The following CAPN15 variants were observed in gnomAD, a reference collection of about 807,000 sequenced individuals.
CAPN15 encodes calpain 15.
Under a neutral mutation model 97.9 loss-of-function variants are expected in CAPN15, and 53 were observed. The observed-to-expected ratio is 0.54, with a 90% CI of 0.43 to 0.68. CAPN15 has a LOEUF of 0.68. Among genes scored for constraint, CAPN15 ranks in the 30% least tolerant of loss-of-function variants. The probability of loss-of-function intolerance (pLI) is 0.00; values close to 1 mark genes in which losing one functional copy is unlikely to be tolerated. For missense variants in CAPN15, 1,592 were observed against 1,589.8 expected (o/e 1.00, Z -0.02); for synonymous variants, 922 against 722.5 (o/e 1.28, Z -4.43).
intron 4 of CAPN15, 137 bp downstream of exon 4, chr16:548,424 G>A (rs1364108414): frequency 1.7e-5 from 15 of 881,040 alleles, no homozygotes; most frequent in Admixed American, 3.6e-5. Flanking sequence ...AGCACCCTCC[G>A]CCCCGAGGCT....
chr16:534,755 C>T (rs1358683178), intron 2 of CAPN15, among the ~76,000 whole-genome samples: 2 of 152,168 alleles, frequency 1.3e-5, no homozygotes, highest in African/African-American at 4.8e-5. Context: ...AAGGCCAGGC[C>T]ACCAGCTGCC....
At position 547,013 on chromosome 16, in the gene CAPN15, C is replaced by T. The variant is rs555346135; in HGVS notation, c.175C>T (p.Leu59=). ...CGCCCGCTGCACCTTCCGCAACTTCCTGGGCAAGGAGGCCTGCGAGGTGTG... is the reference window on the plus strand; with the variant it reads ...CGCCCGCTGCACCTTCCGCAACTTCTTGGGCAAGGAGGCCTGCGAGGTGTG... ...PCARCTFRNF[L]GKEACEVCGF... is the part of the protein sequence containing the mutation. The change falls in exon 4 of 14, where the codon CTG becomes TTG. Residue 59 remains leucine (L), a synonymous_variant. Coordinates refer to ENST00000219611, the MANE Select transcript of CAPN15 (RefSeq NM_005632.3). 4.3e-6 allele frequency: 7 copies of T among 1,610,276 alleles called. No homozygotes were observed. The South Asian group carries it at 5.5e-5, about 13-fold the overall frequency.
rs1214179349 is a variant in CAPN15, at chr16:553,368, A to G, written c.3113A>G (p.Glu1038Gly). ...GTCCTGGTGATCTTGTCCCAGCTAG[A>G]GGGCAACGCCGGCTTCTCTATCACC... ...RQVLVILSQL[E>G]GNAGFSITHR... The change falls in exon 14 of 14, where the codon GAG becomes GGG. Residue 1038 changes from glutamate (E) to glycine (G), a missense_variant. By Grantham distance (98) the Glu-to-Gly change is moderately conservative. Around this residue, in one of 3 missense-constraint regions of CAPN15, gnomAD observed 644 missense variants for 699.6 expected, o/e 0.92. Transcript: ENST00000219611. 7.5e-6 allele frequency: 12 copies of G among 1,604,156 alleles called. No individual in the cohort carries two copies. In the Admixed American group the frequency reaches 2.0e-4, roughly 27 times the overall value.
At chr16:528,522 C>T (rs1394521807) in intron 1 of CAPN15, among the ~76,000 whole-genome samples, 1 of 152,232 alleles carries the variant, frequency 6.6e-6, no homozygotes, top group Non-Finnish European at 1.5e-5. Flanking sequence ...TCTGTGCCAG[C>T]CATGCCAGTG....
chr16:539,277 A>T (rs1359293756), intron 3 of CAPN15: 1 of 152,262 alleles, frequency 6.6e-6, no homozygotes, highest in Non-Finnish European at 1.5e-5. Context: ...ACTGCTGGTC[A>T]ACCCACAGCC....
Position 547,238 on chromosome 16 carries a change from C to G in CAPN15, c.400C>G (p.Gln134Glu), listed in dbSNP as rs1567149647. Reference sequence around the variant, plus strand: ...CAAGGACGAGGAGGAGAAGGAGGAGCAGGAGGAGGAGGAGGGAGCGGCGGA... The same window carrying G: ...CAAGGACGAGGAGGAGAAGGAGGAGGAGGAGGAGGAGGAGGGAGCGGCGGA... ...EDKDEEEKEE[Q>E]EEEEGAAEPR... The change falls in exon 4 of 14, where the codon CAG (glutamine) becomes GAG (glutamate). Residue 134 changes from glutamine (Q) to glutamate (E), a missense_variant. By Grantham distance (29) the Gln-to-Glu change is conservative (BLOSUM62 2). Around this residue, in one of 3 missense-constraint regions of CAPN15, gnomAD observed 883 missense variants for 776.6 expected, o/e 1.14. Coordinates refer to ENST00000219611, the MANE Select transcript of CAPN15 (RefSeq NM_005632.3). The G allele has an allele frequency of 2.0e-6, 3 of 1,515,948 alleles. No homozygotes were observed. Among genetic ancestry groups the G allele is most frequent in the African/African-American group, 1.4e-5 (1 of 72,774 alleles). The allele number at this position is 1,515,948 out of a possible 1,614,324, so 93.9% of individuals were successfully genotyped here.
At position 547,511 on chromosome 16, in the gene CAPN15, G is replaced by A; in HGVS notation, c.673G>A (p.Glu225Lys). The A allele has an allele frequency of 6.3e-7, 1 of 1,598,296 alleles. No homozygotes were observed. The highest frequency in any genetic ancestry group is 8.5e-7 in the Non-Finnish European group (1 of 1,179,186). The change falls in exon 4 of 14, where the codon GAG (glutamate) becomes AAG (lysine). Residue 225 changes from glutamate to lysine, a missense_variant. Transcript: ENST00000219611. ...ATSQGPAAEPEPPRVPPFSPF... is the reference protein window; with the variant it reads ...ATSQGPAAEPKPPRVPPFSPF... ...CAGCCAGGGCCCAGCTGCCGAACCA[G>A]AGCCGCCCAGGGTCCCGCCCTTCAG...
chr16:551,450 T>C, intron 8 of CAPN15, 23 bp downstream of exon 8: 2 of 1,599,704 alleles, frequency 1.3e-6, no homozygotes, highest in South Asian at 2.2e-5. Context: ...TGGCTGAGGG[T>C]GGGTGGGGTG....
rs961014036 is a variant in CAPN15, at chr16:548,919, G to C, written c.1450-74G>C. ...GGCAGTGCTTTTGGGCGCTCTCCTG[G>C]GTGGGGTCTTGTCCCTGCCAGGTGG... On this transcript the variant is annotated intron_variant, in intron 4 of 13. Coordinates refer to ENST00000219611, the MANE Select transcript of CAPN15 (RefSeq NM_005632.3). 7.2e-6 allele frequency: 10 copies of C among 1,398,282 alleles called. No homozygotes were observed. In the African/African-American group the frequency reaches 1.4e-4, roughly 20 times the overall value. The allele number at this position is 1,398,282 out of a possible 1,614,324, so 86.6% of individuals were successfully genotyped here.
intron 1 of CAPN15, among the ~76,000 whole-genome samples, chr16:531,950 G>C (rs147634266): frequency 1.2e-3 from 176 of 152,312 alleles, no homozygotes; most frequent in African/African-American, 4.0e-3. Flanking sequence ...GTTAAAAATA[G>C]AAGTCGGGGC....
intron 3 of CAPN15, among the ~76,000 whole-genome samples, chr16:543,990 A>T (rs1300313079): frequency 2.0e-5 from 3 of 148,418 alleles, no homozygotes; most frequent in Non-Finnish European, 4.5e-5. Flanking sequence ...CCATGCGGCC[A>T]TGCGGCCGGC....
rs1396511142 is a variant in CAPN15, at chr16:547,818, A to G, written c.980A>G (p.Asp327Gly). The change falls in exon 4 of 14, where the codon GAC becomes GGC. Residue 327 changes from aspartate (D) to glycine (G), a missense_variant. Transcript: ENST00000219611. ...AGTGACATCATTGACCTGGCCGGAG[A>G]CACCGTGCGTTACACGCCCGCCAGC... ...SGSDIIDLAG[D>G]TVRYTPASPS... The G allele has an allele frequency of 6.2e-7, 1 of 1,611,766 alleles. No homozygotes were observed. Among genetic ancestry groups the G allele is most frequent in the South Asian group, 1.1e-5 (1 of 90,968 alleles).
intron 4 of CAPN15, 152 bp downstream of exon 4, chr16:548,439 G>A: frequency 1.3e-6 from 1 of 788,834 alleles, no homozygotes; most frequent in Non-Finnish European, 1.9e-6. Context: ...GAGGCTCCAA[G>A]CTCCCAATGG....
At chr16:545,783 A>T (rs1186219479) in intron 3 of CAPN15, among the ~76,000 whole-genome samples, 3 of 152,186 alleles carry the variant, frequency 2.0e-5, no homozygotes, top group Non-Finnish European at 4.4e-5. Context: ...AGAGTCTGTG[A>T]AGGCACCTCC....
In CAPN15 at chr16:552,744, C is replaced by T. The variant is rs1417726534; in HGVS notation, c.2877C>T (p.Leu959=). ...PTTLADAIIL[L]TESRGERHEG... is the part of the protein sequence containing the mutation. ...CGCTGGCCGACGCCATCATCCTGCT[C>T]ACCGAGAGCCGCGGAGAGCGGCACG... is the stretch of plus-strand genomic sequence containing the variant. Residue 959 remains leucine (L), a synonymous_variant, in exon 12 of 14, where the codon CTC becomes CTT. Transcript: ENST00000219611. This position sits in a 1 kb window ranked among gnomAD's most constrained non-coding sequence, Gnocchi z 6.4. 3 of 1,542,994 alleles carry T rather than the reference C, an allele frequency of 1.9e-6. No individual in the cohort carries two copies. The highest frequency in any genetic ancestry group is 1.2e-5 in the South Asian group (1 of 83,694).
In CAPN15 at chr16:553,732, G is replaced by A. The variant is rs865979282; in HGVS notation, c.*216G>A. 2.7e-4 allele frequency: 124 copies of A among 459,108 alleles called. 2 individuals carry two copies. In the Middle Eastern group the frequency reaches 9.4e-3, roughly 35 times the overall value. The allele number at this position is 459,108 out of a possible 1,614,324, so 28.4% of individuals were successfully genotyped here. A position where few individuals can be genotyped will look rare whatever the true frequency, so the allele number is the denominator to read the frequency against. ...CCTGGCCAGGCCTCCTGGCCGCCAC[G>A]CAGAATACCTCGAACCAGGCGGGCT... is the stretch of plus-strand genomic sequence containing the variant. On this transcript the variant is annotated 3_prime_UTR_variant, in exon 14 of 14. Transcript: ENST00000219611.
At position 553,716 on chromosome 16, in the gene CAPN15, GCCT is replaced by G. The variant is rs2035271931; in HGVS notation, c.*204_*206del. 2.1e-6 allele frequency: 1 copy of G among 477,916 alleles called. No homozygotes were observed. The highest frequency in any genetic ancestry group is 2.0e-5 in the African/African-American group (1 of 50,404). The allele number at this position is 477,916 out of a possible 1,614,324, so 29.6% of individuals were successfully genotyped here. The stretch of plus-strand genomic sequence containing the variant: ...TGAACCCCACAGTCCGCCTGGCCAG[GCCT>G]CCTGGCCGCCACGCAGAATACCTCG... On this transcript the variant is annotated 3_prime_UTR_variant, in exon 14 of 14. Transcript: ENST00000219611.
chr16:549,460 C>T lies in CAPN15; in HGVS notation c.1831C>T (p.Leu611Phe), dbSNP rs1397045798. ...GCCCTGTGATGAGGCCGGCTGCCTC[C>T]TCTTCTCACAGGTGGGGCGGCCTGC... The part of the protein sequence containing the change: ...MLPCDEAGCL[L>F]FSQAQRKQLW... The change falls in exon 6 of 14, where the codon CTC (leucine) becomes TTC (phenylalanine). Residue 611 changes from leucine (L) to phenylalanine (F), a missense_variant. Physicochemically the swap from Leu to Phe is conservative, Grantham distance 22. Around this residue, in one of 3 missense-constraint regions of CAPN15, gnomAD observed 644 missense variants for 699.6 expected, o/e 0.92. Transcript: ENST00000219611. The T allele has an allele frequency of 1.3e-6, 2 of 1,593,112 alleles. No individual in the cohort carries two copies. The highest frequency in any genetic ancestry group is 2.2e-5 in the East Asian group (1 of 44,532).
chr16:549,248 G>C (rs779339612), intron 5 of CAPN15, 40 bp from the exon 6 acceptor site: 1 of 1,546,234 alleles, frequency 6.5e-7, no homozygotes, highest in Admixed American at 1.9e-5. Flanking sequence ...GCGGGCGACC[G>C]GCCGCGGTCC....
Sources: gnomAD v4.1 joint callset for allele counts (sites outside exome capture counted in the v4.1 genomes callset) on GRCh38, gnomAD v4.1.1 for gene constraint, gnomAD v4.1.1 regional missense constraint, Gnocchi (gnomAD v3.1) non-coding constraint, MANE v1.5 for transcripts, NCBI Gene and HGNC (gene_info 2026-07-23, HGNC 2026-07-21) for gene names.